WASL: variants seen among roughly 807,000 people sequenced by gnomAD.
WASL encodes WASP like actin nucleation promoting factor, also known as actin nucleation-promoting factor WASL.
A neutral mutation model predicts 55.5 loss-of-function variants in WASL; 20 were observed. The ratio of observed to expected loss-of-function variants is 0.36; its 90% CI spans 0.25 to 0.52. The LOEUF (loss-of-function observed/expected upper bound fraction) is 0.52, where lower values mean the gene tolerates loss of function less well. Among genes scored for constraint, WASL ranks in the 20% least tolerant of loss-of-function variants. WASL has a pLI of 0.92. For missense variants in WASL, 504 were observed against 622.5 expected (o/e 0.81, Z 2.03); for synonymous variants, 249 against 217.6 (o/e 1.14, Z -1.27).
At position 123,733,843 on chromosome 7, in the gene WASL, C is replaced by A. The variant is rs542187435; in HGVS notation, c.117+14775G>T. On this transcript the variant is annotated intron_variant, in intron 1 of 10. Coordinates refer to ENST00000223023, the MANE Select transcript of WASL (RefSeq NM_003941.4). Reference sequence around the variant, plus strand: ...AGTCAAATGATCTTTGACAAAGGAGCAAAGGCAATCCAATAAAGAACTGAT... The same window carrying A: ...AGTCAAATGATCTTTGACAAAGGAGAAAAGGCAATCCAATAAAGAACTGAT... 2.2e-5 allele frequency among the ~76,000 whole-genome samples: 3 copies of A among 134,814 alleles called. No individual in the cohort carries two copies. In the East Asian group the frequency reaches 6.5e-4, roughly 29 times the overall value. 88.4% of individuals were successfully genotyped at this position (134,814 alleles called of 152,430 possible).
At chr7:123,743,307 C>G (rs1042015127) in intron 1 of WASL, among the ~76,000 whole-genome samples, 2 of 149,218 alleles carry the variant, frequency 1.3e-5, no homozygotes, top group African/African-American at 5.0e-5. Context: ...ACTGCACTCC[C>G]GCCTTGGCGA....
Position 123,694,582 on chromosome 7 carries a change from C to T in WASL, c.826+133G>A, listed in dbSNP as rs530486148. On this transcript the variant is annotated intron_variant, in intron 8 of 10. Transcript: ENST00000223023. Reference sequence around the variant, plus strand: ...TAATGTTAAGACACAGTGTGATGGGCCACATTAGTTGTCCATAGACTTCAA... The same window carrying T: ...TAATGTTAAGACACAGTGTGATGGGTCACATTAGTTGTCCATAGACTTCAA... 5 of 807,330 alleles carry T rather than the reference C, an allele frequency of 6.2e-6. No homozygotes were observed. In the Admixed American group the frequency reaches 9.9e-5, roughly 16 times the overall value. The allele number at this position is 807,330 out of a possible 1,614,324, so 50.0% of individuals were successfully genotyped here. A position where few individuals can be genotyped will look rare whatever the true frequency, so the allele number is the denominator to read the frequency against.
intron 8 of WASL, among the ~76,000 whole-genome samples, chr7:123,693,872 A>G (rs1803452232): frequency 2.0e-5 from 3 of 152,232 alleles, no homozygotes; most frequent in Admixed American, 2.0e-4. Context: ...TGGCTGAGGC[A>G]TGAGAATCCT....
At position 123,687,067 on chromosome 7, in the gene WASL, T is replaced by G. The variant is rs559892886; in HGVS notation, c.1456+1975A>C. On this transcript the variant is annotated intron_variant, in intron 10 of 10. Coordinates refer to ENST00000223023, the MANE Select transcript of WASL (RefSeq NM_003941.4). ...CTAATCTTCCCTCTCAAACTTTTTC[T>G]TCGTAAGTCTTTCCCCTTTCCAGTT... 6.6e-5 allele frequency among the ~76,000 whole-genome samples: 10 copies of G among 152,182 alleles called. No individual in the cohort carries two copies. In the South Asian group the frequency reaches 2.1e-3, roughly 32 times the overall value.
At chr7:123,730,555 CATAAGT>C (rs1804120845) in intron 1 of WASL, among the ~76,000 whole-genome samples, 1 of 151,520 alleles carries the variant, frequency 6.6e-6, no homozygotes, top group Admixed American at 6.6e-5. Context: ...AAATTGTAAA[CATAAGT>C]ATAACTGCTG....
chr7:123,695,693 A>G lies in WASL; in HGVS notation c.672+130T>C, dbSNP rs557312817. Reference sequence around the variant, plus strand: ...TAATATGGTTTTAAACCTCAGTTGTATACATACATAAAACACAAGCACATT... The same window carrying G: ...TAATATGGTTTTAAACCTCAGTTGTGTACATACATAAAACACAAGCACATT... On this transcript the variant is annotated intron_variant, in intron 7 of 10. Coordinates refer to ENST00000223023, the MANE Select transcript of WASL (RefSeq NM_003941.4). The G allele has an allele frequency of 9.3e-4, 750 of 810,514 alleles. 5 individuals carry two copies. Among genetic ancestry groups the G allele is most frequent in the South Asian group, 6.2e-3 (349 of 56,628 alleles). 50.2% of individuals were successfully genotyped at this position (810,514 alleles called of 1,614,324 possible).
At chr7:123,741,580 C>T (rs1307315769) in intron 1 of WASL, among the ~76,000 whole-genome samples, 1 of 152,060 alleles carries the variant, frequency 6.6e-6, no homozygotes, top group Non-Finnish European at 1.5e-5. Flanking sequence ...CAAAGTTCAA[C>T]CCTTATCTGC....
intron 10 of WASL, among the ~76,000 whole-genome samples, chr7:123,685,197 C>CAGTTT (rs1215685455): frequency 6.6e-6 from 1 of 151,888 alleles, no homozygotes; most frequent in African/African-American, 2.4e-5. Flanking sequence ...ATTTAAATTT[C>CAGTTT]AAGTTTAAAA....
chr7:123,702,316 A>C (rs1330649985), intron 5 of WASL, among the ~76,000 whole-genome samples: 1 of 152,142 alleles, frequency 6.6e-6, no homozygotes, highest in South Asian at 2.1e-4. Flanking sequence ...TCAGCCTCCC[A>C]AAGTGCTGGG....
chr7:123,693,688 G>A (rs1277668990), intron 8 of WASL, among the ~76,000 whole-genome samples: 1 of 152,212 alleles, frequency 6.6e-6, no homozygotes, highest in Non-Finnish European at 1.5e-5. Context: ...AAACTTGGCT[G>A]AGCATGGTGG....
chr7:123,683,909 C>T lies in WASL; in HGVS notation c.*610G>A, dbSNP rs1477811945. The stretch of plus-strand genomic sequence containing the variant: ...GCTATACCAATAACAGGCAGTATTA[C>T]TGTAAGAGGTGTGTTAATCGTCTTC... On this transcript the variant is annotated 3_prime_UTR_variant, in exon 11 of 11. Transcript: ENST00000223023. 2 of 152,018 alleles carry T rather than the reference C, an allele frequency of 1.3e-5. No homozygotes were observed. The highest frequency in any genetic ancestry group is 4.8e-5 in the African/African-American group (2 of 41,428). 9.4% of individuals were successfully genotyped at this position (152,018 alleles called of 1,614,324 possible).
At position 123,748,530 on chromosome 7, in the gene WASL, G is replaced by A. The variant is rs572129828; in HGVS notation, c.117+88C>T. 191 of 1,439,028 alleles carry A rather than the reference G, an allele frequency of 1.3e-4. No individual in the cohort carries two copies. The African/African-American group carries it at 2.4e-3, about 18-fold the overall frequency. 89.1% of individuals were successfully genotyped at this position (1,439,028 alleles called of 1,614,324 possible). A position where few individuals can be genotyped will look rare whatever the true frequency, so the allele number is the denominator to read the frequency against. ...GGGAGGCCTGGCCCGCGCCGCTCCC[G>A]CCTCCTTCCCCACTCCCACTTCCCG... On this transcript the variant is annotated intron_variant, in intron 1 of 10. Coordinates refer to ENST00000223023, the MANE Select transcript of WASL (RefSeq NM_003941.4).
Position 123,686,541 on chromosome 7 carries a change from A to G in WASL, c.1457-1961T>C, listed in dbSNP as rs149587607. Reference sequence around the variant, plus strand: ...TCTGAAAATAAGTAAAAACCATCCTATATTTTCATTATATTAGCGTGACTA... The same window carrying G: ...TCTGAAAATAAGTAAAAACCATCCTGTATTTTCATTATATTAGCGTGACTA... On this transcript the variant is annotated intron_variant, in intron 10 of 10. Transcript: ENST00000223023. Among the ~76,000 whole-genome samples the G allele has an allele frequency of 7.9e-5, 12 of 152,212 alleles. No homozygotes were observed. The East Asian group carries it at 2.1e-3, about 27-fold the overall frequency.
At chr7:123,694,468 T>A (rs544585849) in intron 8 of WASL, among the ~76,000 whole-genome samples, 1 of 152,308 alleles carries the variant, frequency 6.6e-6, no homozygotes, top group Non-Finnish European at 1.5e-5. Context: ...GTTTTTACTT[T>A]AAAATAGAAT....
intron 10 of WASL, 36 bp downstream of exon 10, chr7:123,689,006 G>GTCTCTCTCTC (rs3035629): frequency 3.1e-6 from 4 of 1,279,114 alleles, no homozygotes; most frequent in Admixed American, 1.8e-5. Flanking sequence ...CACTCTCTCT[G>GTCTCTCTCTC]TCTCTCTCTC....
chr7:123,691,290 T>C (rs369852248), intron 9 of WASL, among the ~76,000 whole-genome samples: 5 of 152,142 alleles, frequency 3.3e-5, no homozygotes, highest in African/African-American at 1.2e-4. Context: ...GAACATGTTA[T>C]AAAAGGCTCC....
At chr7:123,721,545 A>G in intron 1 of WASL, among the ~76,000 whole-genome samples, 1 of 152,150 alleles carries the variant, frequency 6.6e-6, no homozygotes, top group East Asian at 1.9e-4. Context: ...AAACAAACAA[A>G]CGAACAACAA....
rs558695592 is a variant in WASL, at chr7:123,695,934, T to A, written c.630-69A>T. The A allele has an allele frequency of 3.4e-6, 5 of 1,475,468 alleles. No homozygotes were observed. The East Asian group carries it at 9.2e-5, about 27-fold the overall frequency. The allele number at this position is 1,475,468 out of a possible 1,614,324, so 91.4% of individuals were successfully genotyped here. On this transcript the variant is annotated intron_variant, in intron 6 of 10. Coordinates refer to ENST00000223023, the MANE Select transcript of WASL (RefSeq NM_003941.4). Reference sequence around the variant, plus strand: ...AAGGGCATTATAAACACAATATATATGAAACCCAATCTACATTTGGCTTTG... The same window carrying A: ...AAGGGCATTATAAACACAATATATAAGAAACCCAATCTACATTTGGCTTTG...
intron 1 of WASL, among the ~76,000 whole-genome samples, chr7:123,747,651 G>C (rs896849090): frequency 3.3e-5 from 5 of 152,160 alleles, no homozygotes; most frequent in Admixed American, 2.6e-4. Flanking sequence ...TGCTAGCAAA[G>C]TGGAGAGAAA....
Sources: gnomAD v4.1 joint callset for allele counts (sites outside exome capture counted in the v4.1 genomes callset) on GRCh38, gnomAD v4.1.1 for gene constraint, MANE v1.5 for transcripts, NCBI Gene and HGNC (gene_info 2026-07-23, HGNC 2026-07-21) for gene names.